The following ARHGAP31 variants were observed in gnomAD, a reference collection of about 807,000 sequenced individuals.
ARHGAP31 encodes the protein Rho GTPase activating protein 31.
Under a neutral mutation model 113.9 loss-of-function variants are expected in ARHGAP31, and 34 were observed. The observed-to-expected ratio is 0.30, with a 90% CI of 0.23 to 0.40. The LOEUF is 0.40. Among genes scored for constraint, ARHGAP31 ranks in the 10% least tolerant of loss-of-function variants. The pLI is 1.00. For synonymous variants in ARHGAP31, 650 were observed against 684.8 expected, an observed-to-expected ratio of 0.95 and a Z score of 0.79; for missense variants, 1,548 against 1,767.1, an observed-to-expected ratio of 0.88 and a Z score of 2.22.
At position 119,402,180 on chromosome 3, in the gene ARHGAP31, G is replaced by T. The variant is rs1464349885; in HGVS notation, c.1428G>T (p.Ser476=). Residue 476 remains serine, a synonymous_variant, in exon 10 of 12, where the codon TCG becomes TCT. Transcript: ENST00000264245. Reference sequence around the variant, plus strand: ...GCAGCCTCTTCCAGATGGAGCCCTCGCCGCGTAACCAGCGCAAGGCGCTGA... The same window carrying T: ...GCAGCCTCTTCCAGATGGAGCCCTCTCCGCGTAACCAGCGCAAGGCGCTGA... The part of the protein sequence containing the change: ...FTSSLFQMEP[S]PRNQRKALNI... The T allele has an allele frequency of 6.2e-7, 1 of 1,614,238 alleles. No individual in the cohort carries two copies. Among genetic ancestry groups the T allele is most frequent in the South Asian group, 1.1e-5 (1 of 91,084 alleles).
At chr3:119,361,067 G>A (rs368108720) in intron 1 of ARHGAP31, among the ~76,000 whole-genome samples, 1 of 152,104 alleles carries the variant, frequency 6.6e-6, no homozygotes, top group South Asian at 2.1e-4. Flanking sequence ...AGAATCCTAG[G>A]GTGTCCCCAA....
intron 4 of ARHGAP31, among the ~76,000 whole-genome samples, chr3:119,381,962 G>T (rs1291436842): frequency 1.3e-5 from 2 of 149,322 alleles, no homozygotes; most frequent in East Asian, 3.9e-4. Context: ...CTCCAGCCTG[G>T]GCGACAGAGC....
At position 119,416,330 on chromosome 3, in the gene ARHGAP31, T is replaced by C. The variant is rs1406249370; in HGVS notation, c.*66T>C. 6.2e-7 allele frequency: 1 copy of C among 1,601,864 alleles called. No individual in the cohort carries two copies. The highest frequency in any genetic ancestry group is 8.5e-7 in the Non-Finnish European group (1 of 1,178,984). On this transcript the variant is annotated 3_prime_UTR_variant, in exon 12 of 12. Coordinates refer to ENST00000264245, the MANE Select transcript of ARHGAP31 (RefSeq NM_020754.4). ...ATCTGGAAGTTATTACAGGGCCAGCTTGCCATATTCCAGGCACACGTTATC... is the reference window on the plus strand; with the variant it reads ...ATCTGGAAGTTATTACAGGGCCAGCCTGCCATATTCCAGGCACACGTTATC...
In ARHGAP31 at chr3:119,389,598, T is replaced by C. The variant is rs188179709; in HGVS notation, c.683-1187T>C. Among the ~76,000 whole-genome samples, 15 of 152,300 alleles carry C rather than the reference T, an allele frequency of 9.8e-5. No homozygotes were observed. The East Asian group carries it at 2.7e-3, about 27-fold the overall frequency. ...GCTAGTCCTCCCCAGAAACACCCCA[T>C]TGTCACATAACAGTTGTCTTCATTT... On this transcript the variant is annotated intron_variant, in intron 6 of 11. Coordinates refer to ENST00000264245, the MANE Select transcript of ARHGAP31 (RefSeq NM_020754.4).
chr3:119,414,514 C>A lies in ARHGAP31; in HGVS notation c.2585C>A (p.Pro862Gln), dbSNP rs1456032450. ...TCTGAGGGGAAAGGCTGTGGTTTTC[C>A]AAGCCCAACCAGGGAGGTTGAGATC... is the stretch of plus-strand genomic sequence containing the variant. Reference protein sequence around the residue: ...AASEGKGCGFPSPTREVEIVS... With the variant: ...AASEGKGCGFQSPTREVEIVS... The change falls in exon 12 of 12, where the codon CCA becomes CAA. Residue 862 changes from proline (P) to glutamine (Q), a missense_variant. Transcript: ENST00000264245. 6.2e-7 allele frequency: 1 copy of A among 1,614,180 alleles called. No homozygotes were observed. Among genetic ancestry groups the A allele is most frequent in the South Asian group, 1.1e-5 (1 of 91,078 alleles).
At chr3:119,400,643 T>C (rs1236758486) in intron 9 of ARHGAP31, among the ~76,000 whole-genome samples, 1 of 152,170 alleles carries the variant, frequency 6.6e-6, no homozygotes, top group African/African-American at 2.4e-5. Flanking sequence ...ATACATGGCA[T>C]GTGAGTATTA....
intron 10 of ARHGAP31, among the ~76,000 whole-genome samples, chr3:119,404,726 G>A (rs757515907): frequency 2.0e-5 from 3 of 152,328 alleles, no homozygotes; most frequent in East Asian, 1.9e-4. Flanking sequence ...GACCCAAAGC[G>A]TAGAGATACC....
chr3:119,392,897 C>CAGG (rs1304208385), intron 7 of ARHGAP31, among the ~76,000 whole-genome samples: 1 of 152,180 alleles, frequency 6.6e-6, no homozygotes, highest in East Asian at 1.9e-4. Context: ...GGCTGTAGTG[C>CAGG]AGGAGCCCAA....
intron 8 of ARHGAP31, among the ~76,000 whole-genome samples, chr3:119,398,107 A>T (rs926065314): frequency 1.3e-5 from 2 of 152,048 alleles, no homozygotes; most frequent in African/African-American, 4.8e-5. Context: ...TTTCTAAAAA[A>T]TTTTTTTAAA....
chr3:119,307,310 G>A (rs2079638635), intron 1 of ARHGAP31, among the ~76,000 whole-genome samples: 1 of 152,142 alleles, frequency 6.6e-6, no homozygotes, highest in African/African-American at 2.4e-5. Flanking sequence ...CTAGTGCACT[G>A]TTTGGAATTT....
chr3:119,380,797 G>A (rs2080390286), intron 3 of ARHGAP31, 107 bp from the exon 4 acceptor site: 1 of 893,774 alleles, frequency 1.1e-6, no homozygotes, highest in Admixed American at 1.8e-5. Flanking sequence ...TGATCTCTAG[G>A]CATGGTTGTG....
In ARHGAP31 at chr3:119,415,931, G is replaced by C; in HGVS notation, c.4002G>C (p.Lys1334Asn). Residue 1334 changes from lysine (K) to asparagine (N), a missense_variant, in exon 12 of 12, where the codon AAG becomes AAC. By Grantham distance (94) the Lys-to-Asn change is moderately conservative (BLOSUM62 0). Coordinates refer to ENST00000264245, the MANE Select transcript of ARHGAP31 (RefSeq NM_020754.4). ...SKLERPSGGS[K>N]PFHRSRPGRP... is the part of the protein sequence containing the mutation. ...TAGAGCGACCATCTGGGGGTTCTAA[G>C]CCTTTCCACAGGTCAAGGCCAGGAA... The C allele has an allele frequency of 6.2e-7, 1 of 1,614,178 alleles. No individual in the cohort carries two copies. The highest frequency in any genetic ancestry group is 8.5e-7 in the Non-Finnish European group (1 of 1,180,038).
intron 3 of ARHGAP31, among the ~76,000 whole-genome samples, chr3:119,376,035 G>A (rs552045775): frequency 9.2e-5 from 14 of 152,236 alleles, no homozygotes; most frequent in African/African-American, 2.4e-4. Context: ...GTCTTGACGC[G>A]TCAGTCTCCC....
chr3:119,300,484 C>T (rs114448055), intron 1 of ARHGAP31, among the ~76,000 whole-genome samples: 55 of 152,258 alleles, frequency 3.6e-4, no homozygotes, highest in African/African-American at 1.3e-3. Flanking sequence ...CATCAGTATA[C>T]ACTCAGGAAC....
In ARHGAP31 at chr3:119,418,799, A is replaced by C. The variant is rs1452528587; in HGVS notation, c.*2535A>C. The C allele has an allele frequency of 3.3e-5, 5 of 152,322 alleles. No homozygotes were observed. The East Asian group carries it at 9.6e-4, about 29-fold the overall frequency. 9.4% of individuals were successfully genotyped at this position (152,322 alleles called of 1,614,324 possible). On this transcript the variant is annotated 3_prime_UTR_variant, in exon 12 of 12. Coordinates refer to ENST00000264245, the MANE Select transcript of ARHGAP31 (RefSeq NM_020754.4). ...AGCTGTGGAGATAGTCCCTACTCTC[A>C]GCTTTCCTTGCTAGTCAAGTCCAAA...
intron 1 of ARHGAP31, among the ~76,000 whole-genome samples, chr3:119,299,217 T>G (rs1019882698): frequency 6.6e-6 from 1 of 152,222 alleles, no homozygotes; most frequent in African/African-American, 2.4e-5. Context: ...ATCAGAATCT[T>G]TTTTAGAACA....
intron 1 of ARHGAP31, chr3:119,325,079 AT>A: frequency 2.6e-6 from 1 of 389,032 alleles, no homozygotes. Context: ...TTTGGTGCTA[AT>A]TAAAATATCT....
At position 119,414,418 on chromosome 3, in the gene ARHGAP31, T is replaced by C; in HGVS notation, c.2489T>C (p.Ile830Thr). 6.2e-7 allele frequency: 1 copy of C among 1,614,118 alleles called. No individual in the cohort carries two copies. The highest frequency in any genetic ancestry group is 8.5e-7 in the Non-Finnish European group (1 of 1,180,020). The change falls in exon 12 of 12, where the codon ATC becomes ACC. Residue 830 changes from isoleucine to threonine, a missense_variant. Ile to Thr is a moderately conservative substitution (Grantham distance 89, BLOSUM62 -1). Coordinates refer to ENST00000264245, the MANE Select transcript of ARHGAP31 (RefSeq NM_020754.4). ...CTGAAGTCCCAAGACAGCCCTGAGATCTCTAGCCTCTGTCAGGGAGAGGAG... is the reference window on the plus strand; with the variant it reads ...CTGAAGTCCCAAGACAGCCCTGAGACCTCTAGCCTCTGTCAGGGAGAGGAG... Reference protein sequence around the residue: ...DQLKSQDSPEISSLCQGEEAT... With the variant: ...DQLKSQDSPETSSLCQGEEAT...
intron 6 of ARHGAP31, among the ~76,000 whole-genome samples, chr3:119,390,244 C>G (rs1443091967): frequency 6.6e-6 from 1 of 152,204 alleles, no homozygotes; most frequent in Non-Finnish European, 1.5e-5. Flanking sequence ...ATAGTATAGG[C>G]TGTAAAATAT....
Sources: allele counts gnomAD v4.1 joint callset (sites outside exome capture counted in the v4.1 genomes callset), GRCh38; gene constraint gnomAD v4.1.1; transcripts MANE v1.5; gene names NCBI Gene and HGNC (gene_info 2026-07-23, HGNC 2026-07-21).